ELOVL7: variants seen among roughly 807,000 people sequenced by gnomAD.
ELOVL7 encodes very long chain fatty acid elongase 7.
ELOVL7 carries 27 observed loss-of-function variants against 35.7 expected under a neutral mutation model. That is an observed-to-expected ratio of 0.76 (90% CI 0.56 to 1.04). ELOVL7 has a LOEUF of 1.04. ELOVL7 is among the 50% of genes least tolerant of loss of function. ELOVL7 has a pLI of 0.00. For synonymous variants in ELOVL7, 113 were observed against 114.6 expected (o/e 0.99, Z 0.09); for missense variants, 327 against 340.8 (o/e 0.96, Z 0.32).
At chr5:60,773,826 A>T (rs1742745055) in intron 3 of ELOVL7, among the ~76,000 whole-genome samples, 2 of 152,258 alleles carry the variant, frequency 1.3e-5, no homozygotes, top group South Asian at 4.1e-4. Context: ...GAATACTGGA[A>T]TGCTGGGTTA....
At chr5:60,812,181 C>G (rs1461011520) in intron 1 of ELOVL7, among the ~76,000 whole-genome samples, 1 of 152,120 alleles carries the variant, frequency 6.6e-6, no homozygotes, top group Non-Finnish European at 1.5e-5. Context: ...GATTGTGCCA[C>G]TGCACTGCAG....
intron 3 of ELOVL7, among the ~76,000 whole-genome samples, chr5:60,786,555 C>T (rs1051662580): frequency 1.3e-5 from 2 of 152,114 alleles, no homozygotes; most frequent in Non-Finnish European, 2.9e-5. Flanking sequence ...GCAGGCATAT[C>T]AGAATCACTC....
intron 1 of ELOVL7, among the ~76,000 whole-genome samples, chr5:60,805,220 A>G (rs1481287782): frequency 6.6e-6 from 1 of 152,254 alleles, no homozygotes; most frequent in Non-Finnish European, 1.5e-5. Flanking sequence ...ATTCTGAAGT[A>G]TATGTTATAG....
chr5:60,824,169 G>GAT (rs1394344589), intron 1 of ELOVL7, among the ~76,000 whole-genome samples: 1 of 152,184 alleles, frequency 6.6e-6, no homozygotes, highest in African/African-American at 2.4e-5. Context: ...ATGGAAGTAG[G>GAT]ATAAATAAAA....
chr5:60,778,137 T>C (rs1743020956), intron 3 of ELOVL7, among the ~76,000 whole-genome samples: 1 of 152,234 alleles, frequency 6.6e-6, no homozygotes, highest in African/African-American at 2.4e-5. Context: ...CCCTCCTTGC[T>C]TTTAACAATG....
At chr5:60,768,483 C>T (rs1188234900) in intron 4 of ELOVL7, among the ~76,000 whole-genome samples, 1 of 152,080 alleles carries the variant, frequency 6.6e-6, no homozygotes, top group Admixed American at 6.6e-5. Flanking sequence ...TGTGGATTCA[C>T]AAGACAAGTA....
chr5:60,784,788 C>T lies in ELOVL7; in HGVS notation c.64+2546G>A, dbSNP rs367967173. Among the ~76,000 whole-genome samples the T allele has an allele frequency of 5.3e-5, 8 of 152,242 alleles. No homozygotes were observed. The South Asian group carries it at 1.2e-3, about 24-fold the overall frequency. On this transcript the variant is annotated intron_variant, in intron 3 of 8. Coordinates refer to ENST00000508821, the MANE Select transcript of ELOVL7 (RefSeq NM_024930.3). The stretch of plus-strand genomic sequence containing the variant: ...AAAACTTTCCTGTTATGCCTGACAG[C>T]GTTTTTTATAAAGCTGTATATCTCA...
intron 7 of ELOVL7, among the ~76,000 whole-genome samples, chr5:60,759,640 TA>T (rs1417782725): frequency 1.3e-5 from 2 of 151,952 alleles, no homozygotes; most frequent in African/African-American, 4.8e-5. Context: ...AAGTTTTTTT[TA>T]TTTATTATTA....
chr5:60,771,713 T>C (rs1412905991), intron 4 of ELOVL7, among the ~76,000 whole-genome samples, 190 bp downstream of exon 4: 1 of 152,250 alleles, frequency 6.6e-6, no homozygotes, highest in Non-Finnish European at 1.5e-5. Context: ...AGACAGATTA[T>C]ACTGAGATCC....
intron 2 of ELOVL7, among the ~76,000 whole-genome samples, chr5:60,793,305 C>T (rs192764113): frequency 6.6e-6 from 1 of 152,252 alleles, no homozygotes; most frequent in African/African-American, 2.4e-5. Context: ...GATAATACTG[C>T]TACAGTTTTT....
chr5:60,774,228 T>C (rs13184037), intron 3 of ELOVL7, among the ~76,000 whole-genome samples: 1 of 152,036 alleles, frequency 6.6e-6, no homozygotes, highest in Non-Finnish European at 1.5e-5. Flanking sequence ...ATATCTCTCA[T>C]GAACATAGAT....
chr5:60,768,240 T>C (rs902245594), intron 4 of ELOVL7, among the ~76,000 whole-genome samples: 2 of 152,234 alleles, frequency 1.3e-5, no homozygotes, highest in African/African-American at 4.8e-5. Context: ...CTTAGGTTCA[T>C]CTATGTATGT....
intron 3 of ELOVL7, among the ~76,000 whole-genome samples, chr5:60,779,288 C>G (rs1293430509): frequency 1.3e-5 from 2 of 152,182 alleles, no homozygotes; most frequent in Non-Finnish European, 2.9e-5. Context: ...CAAGTGGGGA[C>G]TAGGTGTTTG....
intron 1 of ELOVL7, among the ~76,000 whole-genome samples, chr5:60,813,718 T>C (rs1745365429): frequency 2.0e-5 from 3 of 152,032 alleles, no homozygotes; most frequent in South Asian, 2.1e-4. Flanking sequence ...ACTAGCCTGG[T>C]TGTAGTACAA....
chr5:60,782,848 A>G (rs1743344292), intron 3 of ELOVL7, among the ~76,000 whole-genome samples: 1 of 152,342 alleles, frequency 6.6e-6, no homozygotes, highest in African/African-American at 2.4e-5. Flanking sequence ...GTTCAACAGA[A>G]GAAATATCTT....
At chr5:60,824,304 C>T (rs1746046118) in intron 1 of ELOVL7, among the ~76,000 whole-genome samples, 1 of 152,156 alleles carries the variant, frequency 6.6e-6, no homozygotes, top group South Asian at 2.1e-4. Context: ...ACACAAGGAA[C>T]TTTAAGGCCG....
chr5:60,831,314 T>C (rs535774066), intron 1 of ELOVL7, among the ~76,000 whole-genome samples: 1 of 152,314 alleles, frequency 6.6e-6, no homozygotes, highest in East Asian at 1.9e-4. Context: ...GTAAGTTAAA[T>C]TTTACTAAGC....
chr5:60,760,806 T>G (rs1489791646), intron 7 of ELOVL7, among the ~76,000 whole-genome samples: 12 of 152,200 alleles, frequency 7.9e-5, no homozygotes. Flanking sequence ...CATCTTGAAT[T>G]AATTTTTGTA....
intron 3 of ELOVL7, among the ~76,000 whole-genome samples, chr5:60,784,547 A>G (rs2409823): frequency 0.19 from 28,248 of 152,156 alleles, 4,661 homozygotes; most frequent in African/African-American, 0.44. Flanking sequence ...ACTATGCATG[A>G]CCACTACTTC....
Sources: allele counts gnomAD v4.1 joint callset (sites outside exome capture counted in the v4.1 genomes callset), GRCh38; gene constraint gnomAD v4.1.1; transcripts MANE v1.5; gene names NCBI Gene and HGNC (gene_info 2026-07-23, HGNC 2026-07-21).